CTSB: variants seen among roughly 807,000 people sequenced by gnomAD.
The protein encoded by CTSB is APP secretase.
In CTSB, 57 loss-of-function variants were observed where a neutral mutation model predicts 44.3. The observed-to-expected ratio is 1.29, with a 90% CI of 1.04 to 1.60. The LOEUF (loss-of-function observed/expected upper bound fraction) is 1.60. Among genes scored for constraint, CTSB ranks in the 40% most tolerant of loss-of-function variants. CTSB has a pLI of 0.00. For synonymous variants in CTSB, 320 were observed against 168.0 expected (o/e 1.91, Z -7.00); for missense variants, 768 against 443.0 (o/e 1.73, Z -6.59).
rs181334968 is a variant in CTSB, at chr8:11,852,652, C to G, written c.170G>C (p.Arg57Thr). The G allele has an allele frequency of 3.1e-6, 5 of 1,614,084 alleles. No individual in the cohort carries two copies. The highest frequency in any genetic ancestry group is 1.3e-5 in the African/African-American group (1 of 75,048). The change falls in exon 3 of 10, where the codon AGG becomes ACG. Residue 57 changes from arginine (R) to threonine (T), a missense_variant. By Grantham distance (71) the Arg-to-Thr change is moderately conservative. Transcript: ENST00000353047. ...CCCACCCAGGAAGGTACCACATAGCCTCTTCAAGTAGCTCATGTCCACGTT... is the reference window on the plus strand; with the variant it reads ...CCCACCCAGGAAGGTACCACATAGCGTCTTCAAGTAGCTCATGTCCACGTT... ...FYNVDMSYLK[R>T]LCGTFLGGPK...
chr8:11,866,711 T>C (rs1817202582), intron 1 of CTSB, among the ~76,000 whole-genome samples: 1 of 152,004 alleles, frequency 6.6e-6, no homozygotes, highest in African/African-American at 2.4e-5. Context: ...AATACAAAAA[T>C]TAGCTGGGCG....
chr8:11,853,368 C>T lies in CTSB; in HGVS notation c.87G>A (p.Glu29=). Residue 29 remains glutamate (E), a synonymous_variant, in exon 2 of 10, where the codon GAG becomes GAA. Transcript: ENST00000353047. Reference sequence around the variant, plus strand: ...TCCGTTTGTTGACATAGTTGACCAGCTCATCCGACAGGGGATGGAAAGAGG... The same window carrying T: ...TCCGTTTGTTGACATAGTTGACCAGTTCATCCGACAGGGGATGGAAAGAGG... The part of the protein sequence containing the change: ...SRPSFHPLSD[E]LVNYVNKRNT... 1 of 1,613,328 alleles carries T rather than the reference C, an allele frequency of 6.2e-7. No homozygotes were observed. Among genetic ancestry groups the T allele is most frequent in the Non-Finnish European group, 8.5e-7 (1 of 1,179,916 alleles).
rs75649365 is a variant in CTSB, at chr8:11,847,211, G to A, written c.677-43C>T. ...CTCGGGGTTGGGGAGGGCAGTGACC[G>A]TGCCTCGTGGCACGCCACGGTCAGC... On this transcript the variant is annotated intron_variant, in intron 7 of 9. Coordinates refer to ENST00000353047, the MANE Select transcript of CTSB (RefSeq NM_001908.5). The A allele has an allele frequency of 3.6e-4, 453 of 1,248,252 alleles. 2 individuals are homozygous for A. The African/African-American group carries it at 5.7e-3, about 16-fold the overall frequency. 77.3% of individuals were successfully genotyped at this position (1,248,252 alleles called of 1,614,324 possible). A position where few individuals can be genotyped will look rare whatever the true frequency, so the allele number is the denominator to read the frequency against.
At chr8:11,847,296 CA>C (rs1385390398) in intron 7 of CTSB, 128 bp from the exon 8 acceptor site, 1 of 686,450 alleles carries the variant, frequency 1.5e-6, no homozygotes. Context: ...CTTGCCCTGC[CA>C]GGGGAGCTCA....
At chr8:11,862,034 C>T (rs1055818079) in intron 1 of CTSB, among the ~76,000 whole-genome samples, 2 of 152,014 alleles carry the variant, frequency 1.3e-5, no homozygotes, top group African/African-American at 2.4e-5. Context: ...GGTGAAACCC[C>T]GTTTCTACTA....
chr8:11,847,403 G>A (rs1483691832), intron 7 of CTSB, among the ~76,000 whole-genome samples: 2 of 152,204 alleles, frequency 1.3e-5, no homozygotes, highest in African/African-American at 4.8e-5. Context: ...GAAGAGGCCA[G>A]GATACCTCAA....
At chr8:11,855,299 C>T (rs1176407816) in intron 1 of CTSB, among the ~76,000 whole-genome samples, 1 of 152,260 alleles carries the variant, frequency 6.6e-6, no homozygotes, top group Middle Eastern at 3.4e-3. Flanking sequence ...CGATGACAGG[C>T]GTGAGGCACC....
At position 11,853,573 on chromosome 8, in the gene CTSB, C is replaced by G. The variant is rs1340402861; in HGVS notation, c.-25-94G>C. On this transcript the variant is annotated intron_variant, in intron 1 of 9. Coordinates refer to ENST00000353047, the MANE Select transcript of CTSB (RefSeq NM_001908.5). ...ACCGTCTCGGGCATCAGTGGGGACCCCCATGCTCGTCCTGGCCCAGGCGGA... is the reference window on the plus strand; with the variant it reads ...ACCGTCTCGGGCATCAGTGGGGACCGCCATGCTCGTCCTGGCCCAGGCGGA... 7 of 1,276,970 alleles carry G rather than the reference C, an allele frequency of 5.5e-6. No individual in the cohort carries two copies. In the South Asian group the frequency reaches 7.3e-5, roughly 13 times the overall value. 79.1% of individuals were successfully genotyped at this position (1,276,970 alleles called of 1,614,324 possible).
At chr8:11,849,787 G>A (rs1006667033) in intron 4 of CTSB, among the ~76,000 whole-genome samples, 2 of 151,982 alleles carry the variant, frequency 1.3e-5, no homozygotes, top group Non-Finnish European at 2.9e-5. Flanking sequence ...CACCATGTTG[G>A]CCAGGTTGGT....
intron 3 of CTSB, among the ~76,000 whole-genome samples, chr8:11,852,122 C>T (rs1406798222): frequency 1.3e-5 from 2 of 152,168 alleles, no homozygotes; most frequent in Non-Finnish European, 2.9e-5. Flanking sequence ...AATCCCAGCA[C>T]TCTGGGATGC....
chr8:11,866,055 G>C (rs895656812), intron 1 of CTSB, among the ~76,000 whole-genome samples: 4 of 150,126 alleles, frequency 2.7e-5, no homozygotes, highest in Non-Finnish European at 3.0e-5. Context: ...AATTAAGAAA[G>C]AAAAGAAAAT....
At chr8:11,860,230 T>A (rs1017329880) in intron 1 of CTSB, among the ~76,000 whole-genome samples, 1 of 152,168 alleles carries the variant, frequency 6.6e-6, no homozygotes, top group African/African-American at 2.4e-5. Context: ...ACAAAAAAAG[T>A]GAAAGAATTC....
intron 1 of CTSB, among the ~76,000 whole-genome samples, chr8:11,860,428 C>G (rs567828134): frequency 6.6e-6 from 1 of 152,130 alleles, no homozygotes; most frequent in Non-Finnish European, 1.5e-5. Flanking sequence ...TCGAGACCAG[C>G]CTGGCTAACA....
At chr8:11,845,271 A>G (rs752256149) in intron 9 of CTSB, 49 bp from the exon 10 acceptor site, 3 of 1,395,804 alleles carry the variant, frequency 2.1e-6, no homozygotes, top group East Asian at 2.3e-5. Flanking sequence ...GGGTCAACCA[A>G]TATAGTCAGA....
At chr8:11,858,701 G>A (rs777452668) in intron 1 of CTSB, among the ~76,000 whole-genome samples, 8 of 152,256 alleles carry the variant, frequency 5.3e-5, no homozygotes, top group East Asian at 3.9e-4. Flanking sequence ...AAACACAGAG[G>A]TCCTGACAGC....
chr8:11,846,757 G>A (rs953648124), intron 8 of CTSB, among the ~76,000 whole-genome samples: 4 of 152,228 alleles, frequency 2.6e-5, no homozygotes, highest in Non-Finnish European at 4.4e-5. Flanking sequence ...GGAGGGGGGC[G>A]TTCCCACAGA....
chr8:11,852,870 C>T (rs1814850474), intron 2 of CTSB, among the ~76,000 whole-genome samples, 175 bp from the exon 3 acceptor site: 1 of 152,188 alleles, frequency 6.6e-6, no homozygotes, highest in African/African-American at 2.4e-5. Context: ...GAGTGGGTGT[C>T]TCCCCTGATC....
At chr8:11,853,271 C>T in intron 2 of CTSB, 58 bp downstream of exon 2, 2 of 1,595,230 alleles carry the variant, frequency 1.3e-6, no homozygotes, top group Non-Finnish European at 1.7e-6. Flanking sequence ...TTCCTGGAGT[C>T]AGTGTGCACA....
At chr8:11,846,474 A>G (rs891870779) in intron 8 of CTSB, 1 of 152,720 alleles carries the variant, frequency 6.5e-6, no homozygotes, top group African/African-American at 2.4e-5. Flanking sequence ...GTCAGCAAAG[A>G]CTGTTCATCT....
Sources: gnomAD v4.1 joint callset for allele counts (sites outside exome capture counted in the v4.1 genomes callset) on GRCh38, gnomAD v4.1.1 for gene constraint, MANE v1.5 for transcripts, NCBI Gene and HGNC (gene_info 2026-07-23, HGNC 2026-07-21) for gene names.